Variants in SLX9 observed in about 807,000 individuals in gnomAD.
The protein encoded by SLX9 is ribosome biogenesis protein SLX9 homolog.
A neutral mutation model predicts 20.8 loss-of-function variants in SLX9; 19 were observed. The ratio of observed to expected loss-of-function variants is 0.91; its 90% CI spans 0.64 to 1.34. The LOEUF (loss-of-function observed/expected upper bound fraction) is 1.34, where lower values mean the gene tolerates loss of function less well. Ranked by LOEUF, SLX9 falls within the 40% of genes most tolerant of loss-of-function variation. SLX9 has a pLI of 0.00. For missense variants in SLX9, 299 were observed against 322.2 expected, an observed-to-expected ratio of 0.93 and a Z score of 0.55; for synonymous variants, 113 against 137.1, an observed-to-expected ratio of 0.82 and a Z score of 1.23.
chr21:44,945,139 C>T (rs73226635), intron 2 of SLX9, among the ~76,000 whole-genome samples: 5 of 152,298 alleles, frequency 3.3e-5, no homozygotes, highest in Non-Finnish European at 5.9e-5. Context: ...GTCCACAAAG[C>T]GGCGACAGAC....
rs577122349 is a variant in SLX9 at position 44,940,338 on chromosome 21, C to G, written c.129+152C>G. On this transcript the variant is annotated intron_variant, in intron 1 of 5. Coordinates refer to ENST00000291634, the MANE Select transcript of SLX9 (RefSeq NM_058190.4). ...CTACAGACGCGACCTTCTTGCTTCGCGAAGCGTCGTAAACTCCGAGGCTCC... is the reference window on the plus strand; with the variant it reads ...CTACAGACGCGACCTTCTTGCTTCGGGAAGCGTCGTAAACTCCGAGGCTCC... The G allele has an allele frequency of 3.3e-3, 3,735 of 1,130,856 alleles. 8 individuals are homozygous for G. Among genetic ancestry groups the G allele is most frequent in the Non-Finnish European group, 3.8e-3 (3,495 of 910,788 alleles). The allele number at this position is 1,130,856 out of a possible 1,614,324, so 70.1% of individuals were successfully genotyped here.
chr21:44,976,564 TC>T, intron 5 of SLX9, 115 bp from the exon 6 acceptor site: 9 of 1,458,358 alleles, frequency 6.2e-6, no homozygotes, highest in Non-Finnish European at 7.3e-6. Context: ...CAGTACTCAG[TC>T]CCGTGGTGGC....
chr21:44,956,923 G>C (rs2084868224), intron 2 of SLX9, among the ~76,000 whole-genome samples: 1 of 152,266 alleles, frequency 6.6e-6, no homozygotes, highest in Non-Finnish European at 1.5e-5. Context: ...GAGCGCAAGA[G>C]CCCAGGCAGC....
intron 4 of SLX9, among the ~76,000 whole-genome samples, chr21:44,968,072 G>GGGCCTGGACCCC (rs1226927926): frequency 2.6e-5 from 4 of 151,426 alleles, no homozygotes; most frequent in Non-Finnish European, 5.9e-5. Context: ...GCCTGGGCCT[G>GGGCCTGGACCCC]GGCCTGGACC....
intron 3 of SLX9, among the ~76,000 whole-genome samples, chr21:44,961,432 A>G (rs994057737): frequency 6.6e-6 from 1 of 152,186 alleles, no homozygotes; most frequent in Non-Finnish European, 1.5e-5. Context: ...TGTAAAAATT[A>G]GTCAGATTAG....
At chr21:44,968,303 C>A (rs1004824580) in intron 4 of SLX9, among the ~76,000 whole-genome samples, 1 of 151,952 alleles carries the variant, frequency 6.6e-6, no homozygotes, top group African/African-American at 2.4e-5. Context: ...AATGAAGATA[C>A]CACCACCCGG....
chr21:44,959,276 A>G (rs2084912123), intron 2 of SLX9: 1 of 984,820 alleles, frequency 1.0e-6, no homozygotes, highest in Non-Finnish European at 1.2e-6. Context: ...TAAAAGAGAT[A>G]CTGGGAGATG....
intron 2 of SLX9, among the ~76,000 whole-genome samples, chr21:44,948,469 G>A (rs933316000): frequency 3.9e-5 from 6 of 152,226 alleles, no homozygotes; most frequent in African/African-American, 1.4e-4. Context: ...TGGATTTCTA[G>A]TTCTGTGTTC....
chr21:44,951,954 C>T lies in SLX9; in HGVS notation c.283+8117C>T, dbSNP rs558015876. 7.3e-4 allele frequency among the ~76,000 whole-genome samples: 96 copies of T among 132,096 alleles called. 4 individuals are homozygous for T. In the Middle Eastern group the frequency reaches 0.011, roughly 15 times the overall value. The allele number at this position is 132,096 out of a possible 152,430, so 86.7% of individuals were successfully genotyped here. On this transcript the variant is annotated intron_variant, in intron 2 of 5. Coordinates refer to ENST00000291634, the MANE Select transcript of SLX9 (RefSeq NM_058190.4). Reference sequence around the variant, plus strand: ...GGGCTGCACCTGTGCCTGAGGATCACGGTGACTCCACCTGGTCCCTGTCCT... The same window carrying T: ...GGGCTGCACCTGTGCCTGAGGATCATGGTGACTCCACCTGGTCCCTGTCCT...
chr21:44,963,429 A>G (rs1433615920), intron 3 of SLX9, among the ~76,000 whole-genome samples: 3 of 148,876 alleles, frequency 2.0e-5, no homozygotes, highest in Non-Finnish European at 3.0e-5. Context: ...TTTAATTTAT[A>G]TTAGTTATTG....
intron 2 of SLX9, among the ~76,000 whole-genome samples, chr21:44,950,514 G>A (rs1274025577): frequency 6.6e-6 from 1 of 152,230 alleles, no homozygotes; most frequent in Non-Finnish European, 1.5e-5. Context: ...TGCAGAGAGT[G>A]TGGCCGTGCC....
chr21:44,962,687 G>C (rs1188432228), intron 3 of SLX9, among the ~76,000 whole-genome samples: 1 of 152,156 alleles, frequency 6.6e-6, no homozygotes, highest in African/African-American at 2.4e-5. Flanking sequence ...AAGTGCTGAG[G>C]AATGGAATGC....
chr21:44,976,599 G>A (rs886318640), intron 5 of SLX9, 81 bp from the exon 6 acceptor site: 19 of 1,520,674 alleles, frequency 1.2e-5, no homozygotes, highest in Non-Finnish European at 1.4e-5. Context: ...CATTCATTTC[G>A]GTGTCTGACG....
intron 3 of SLX9, among the ~76,000 whole-genome samples, chr21:44,963,726 T>C (rs1179791486): frequency 6.6e-6 from 1 of 152,236 alleles, no homozygotes; most frequent in Non-Finnish European, 1.5e-5. Flanking sequence ...GTCTCATAAG[T>C]GTGGATCTGT....
intron 2 of SLX9, among the ~76,000 whole-genome samples, chr21:44,957,921 A>G (rs900613279): frequency 6.6e-6 from 1 of 152,196 alleles, no homozygotes; most frequent in Non-Finnish European, 1.5e-5. Context: ...GTGGCCTAGG[A>G]TGTGAAGCAG....
chr21:44,954,541 C>T (rs986900495), intron 2 of SLX9, among the ~76,000 whole-genome samples: 2 of 152,128 alleles, frequency 1.3e-5, no homozygotes, highest in African/African-American at 4.8e-5. Context: ...AGAAGGGAGT[C>T]GAGGTGAGCC....
At chr21:44,941,581 A>G (rs973633728) in intron 1 of SLX9, among the ~76,000 whole-genome samples, 1 of 151,780 alleles carries the variant, frequency 6.6e-6, no homozygotes, top group Admixed American at 6.6e-5. Context: ...ACCACTGGAT[A>G]CCTCTGGCTT....
At chr21:44,942,264 C>T (rs1167947751) in intron 1 of SLX9, among the ~76,000 whole-genome samples, 1 of 152,230 alleles carries the variant, frequency 6.6e-6, no homozygotes, top group Non-Finnish European at 1.5e-5. Context: ...TGTGAGGCCT[C>T]AGCCTACCTG....
At chr21:44,970,906 A>C (rs2085131370) in intron 4 of SLX9, among the ~76,000 whole-genome samples, 1 of 151,894 alleles carries the variant, frequency 6.6e-6, no homozygotes, top group African/African-American at 2.4e-5. Context: ...CAGCTCCCTC[A>C]ATCCCCTGTC....
Sources: gnomAD v4.1 joint callset for allele counts (sites outside exome capture counted in the v4.1 genomes callset) on GRCh38, gnomAD v4.1.1 for gene constraint, MANE v1.5 for transcripts, NCBI Gene and HGNC (gene_info 2026-07-23, HGNC 2026-07-21) for gene names.